Variants in EYS observed in about 807,000 individuals in gnomAD.
EYS encodes protein eyes shut homolog.
EYS carries 250 observed loss-of-function variants against 282.1 expected under a neutral mutation model. The ratio of observed to expected loss-of-function variants is 0.89; its 90% CI spans 0.80 to 0.98. EYS has a LOEUF of 0.98. Ranked by LOEUF, EYS falls within the 50% of genes least tolerant of loss-of-function variation. EYS has a pLI of 0.00. For missense variants in EYS, 4,016 were observed against 3,709.0 expected (o/e 1.08, Z -2.15); for synonymous variants, 1,355 against 1,282.9 (o/e 1.06, Z -1.20).
chr6:64,170,547 C>A (rs533726203), intron 31 of EYS, among the ~76,000 whole-genome samples: 54 of 151,748 alleles, frequency 3.6e-4, no homozygotes, highest in African/African-American at 1.3e-3. Context: ...TTGGCTGCAT[C>A]GCTGCCTTGT....
At chr6:63,918,377 A>C (rs1340765713) in intron 35 of EYS, among the ~76,000 whole-genome samples, 2 of 152,228 alleles carry the variant, frequency 1.3e-5, no homozygotes, top group Non-Finnish European at 2.9e-5. Context: ...TTGCATGCCT[A>C]CTTAATATGG....
chr6:64,403,525 T>C (rs2150437783), intron 28 of EYS, among the ~76,000 whole-genome samples: 1 of 151,910 alleles, frequency 6.6e-6, no homozygotes, highest in African/African-American at 2.4e-5. Flanking sequence ...CCCGGCTAAT[T>C]TTTTTGTATT....
intron 24 of EYS, among the ~76,000 whole-genome samples, chr6:64,611,776 T>C (rs532897315): frequency 2.0e-4 from 30 of 152,166 alleles, no homozygotes; most frequent in Non-Finnish European, 4.1e-4. Flanking sequence ...CCAAATACAT[T>C]GTTTTAGTGA....
At chr6:63,820,466 A>G (rs1771293443) in intron 36 of EYS, among the ~76,000 whole-genome samples, 1 of 152,152 alleles carries the variant, frequency 6.6e-6, no homozygotes, top group Admixed American at 6.5e-5. Context: ...AAATTGTCCA[A>G]ATGTTTTCTT....
At chr6:64,291,502 A>T (rs1236129713) in intron 30 of EYS, among the ~76,000 whole-genome samples, 1 of 152,100 alleles carries the variant, frequency 6.6e-6, no homozygotes, top group East Asian at 1.9e-4. Flanking sequence ...ATAAATATTG[A>T]TAGCTTTCAA....
intron 29 of EYS, among the ~76,000 whole-genome samples, chr6:64,343,302 T>G (rs1771213423): frequency 6.6e-6 from 1 of 151,844 alleles, no homozygotes; most frequent in African/African-American, 2.4e-5. Flanking sequence ...ACCACATAGT[T>G]GGAAGTAAAG....
At chr6:63,798,977 GTATATGTGTGTATA>G (rs1770710530) in intron 37 of EYS, among the ~76,000 whole-genome samples, 3 of 75,728 alleles carry the variant, frequency 4.0e-5, no homozygotes, top group East Asian at 3.2e-4. Flanking sequence ...ATATATATAT[GTATATGTGTGTATA>G]TATATATATA....
intron 12 of EYS, among the ~76,000 whole-genome samples, chr6:65,105,216 A>T (rs1231626778): frequency 6.6e-6 from 1 of 151,780 alleles, no homozygotes; most frequent in East Asian, 1.9e-4. Flanking sequence ...AAAATCAAAC[A>T]ATTTTAATAA....
chr6:64,044,144 G>A (rs1302497547), intron 33 of EYS, among the ~76,000 whole-genome samples: 1 of 152,126 alleles, frequency 6.6e-6, no homozygotes, highest in African/African-American at 2.4e-5. Flanking sequence ...ATGTTCAACG[G>A]TCTTTTCAGC....
At chr6:65,587,632 T>C (rs751115528) in intron 2 of EYS, among the ~76,000 whole-genome samples, 4 of 152,080 alleles carry the variant, frequency 2.6e-5, no homozygotes, top group East Asian at 1.9e-4. Flanking sequence ...TATGTCTTCA[T>C]TGGCAGTGTG....
chr6:65,354,838 A>G (rs1159717060), intron 8 of EYS, among the ~76,000 whole-genome samples: 2 of 152,032 alleles, frequency 1.3e-5, no homozygotes, highest in Non-Finnish European at 2.9e-5. Flanking sequence ...AATGAAAAAG[A>G]AAGAAAAAAA....
intron 41 of EYS, among the ~76,000 whole-genome samples, chr6:63,755,258 CTT>C (rs1192295988): frequency 7.9e-5 from 12 of 152,040 alleles, no homozygotes. Flanking sequence ...GTTATGAAGT[CTT>C]TGCCCATGCC....
chr6:64,362,301 T>A (rs1268230528), intron 29 of EYS, among the ~76,000 whole-genome samples: 4 of 151,860 alleles, frequency 2.6e-5, no homozygotes, highest in Non-Finnish European at 5.9e-5. Context: ...TCATATACTC[T>A]AATTTTAATA....
intron 31 of EYS, among the ~76,000 whole-genome samples, chr6:64,106,266 A>G (rs1773008494): frequency 6.6e-6 from 1 of 152,124 alleles, no homozygotes; most frequent in Non-Finnish European, 1.5e-5. Flanking sequence ...AGTTTGCAAT[A>G]TAACTAATTT....
In EYS at chr6:65,291,461, C is replaced by T. The variant is rs182434157; in HGVS notation, c.2023+4402G>A. On this transcript the variant is annotated intron_variant, in intron 12 of 42. Transcript: ENST00000503581. Reference sequence around the variant, plus strand: ...GGTACATGCAGTTACATAAATACTTCGAAGCCATAAAAAGTGAGGTTGTAT... The same window carrying T: ...GGTACATGCAGTTACATAAATACTTTGAAGCCATAAAAAGTGAGGTTGTAT... Among the ~76,000 whole-genome samples the T allele has an allele frequency of 5.1e-3, 767 of 151,306 alleles. 6 individuals carry two copies. The highest frequency in any genetic ancestry group is 0.017 in the African/African-American group (713 of 41,370).
intron 5 of EYS, among the ~76,000 whole-genome samples, chr6:65,453,698 GGTA>G (rs1025878138): frequency 6.6e-6 from 1 of 151,736 alleles, no homozygotes; most frequent in African/African-American, 2.4e-5. Flanking sequence ...TACAGTCTCT[GGTA>G]ACCATTGTTC....
At chr6:64,686,875 A>ATACG (rs1770157088) in intron 22 of EYS, among the ~76,000 whole-genome samples, 1 of 110,566 alleles carries the variant, frequency 9.0e-6, no homozygotes, top group African/African-American at 3.1e-5. Context: ...ATACGTGTAT[A>ATACG]TATATATACA....
rs150951106 is a variant in EYS at position 64,626,200 on chromosome 6, A to G, written c.3489T>C (p.Asn1163=). The G allele has an allele frequency of 3.3e-6, 5 of 1,534,706 alleles. No individual in the cohort carries two copies. The African/African-American group carries it at 6.9e-5, about 21-fold the overall frequency. The part of the protein sequence containing the change: ...FSGQFCEINI[N]ECSSSPCLHG... ...GTAGACATGGTGATGAAGAGCATTC[A>G]TTTATATTAATTTCACAAAATTGAC... The change falls in exon 23 of 43, where the codon AAT becomes AAC. Residue 1163 remains asparagine, a synonymous_variant. Transcript: ENST00000503581.
intron 29 of EYS, among the ~76,000 whole-genome samples, chr6:64,385,287 T>C (rs968329887): frequency 4.6e-5 from 7 of 152,170 alleles, no homozygotes; most frequent in Non-Finnish European, 7.3e-5. Context: ...TATATAGCAA[T>C]ATAAGTGTAT....
Sources: gnomAD v4.1 joint callset for allele counts (sites outside exome capture counted in the v4.1 genomes callset) on GRCh38, gnomAD v4.1.1 for gene constraint, MANE v1.5 for transcripts, NCBI Gene and HGNC (gene_info 2026-07-23, HGNC 2026-07-21) for gene names.